The following TAMALIN variants were observed in gnomAD, a reference collection of about 807,000 sequenced individuals.
TAMALIN encodes the protein trafficking regulator and scaffold protein tamalin, also known as protein TAMALIN.
Under a neutral mutation model 38.5 loss-of-function variants are expected in TAMALIN, and 9 were observed. The observed-to-expected ratio is 0.23, with a 90% CI of 0.14 to 0.41. The LOEUF (loss-of-function observed/expected upper bound fraction) is 0.41, where lower values mean the gene tolerates loss of function less well. TAMALIN is among the 10% of genes least tolerant of loss of function. The pLI is 1.00. For synonymous variants in TAMALIN, 306 were observed against 256.5 expected (o/e 1.19, Z -1.85); for missense variants, 548 against 554.1 (o/e 0.99, Z 0.11).
chr12:52,007,131 AC>A lies in TAMALIN; in HGVS notation c.116del (p.Pro39ArgfsTer64). On this transcript the variant is annotated frameshift_variant, in exon 1 of 8. Coordinates refer to ENST00000293662, the MANE Select transcript of TAMALIN (RefSeq NM_181711.4). LOFTEE classifies it high-confidence loss of function. The surrounding 1 kb of genome is among the most constrained non-coding windows in gnomAD (Gnocchi z 6.7). Reference sequence around the variant, plus strand: ...AGTCGCGCCCGCCGCTCCGGTCCCGACCCCGGGACCCCCTGCCGCAGCCGCC... The same window carrying A: ...AGTCGCGCCCGCCGCTCCGGTCCCGACCCGGGACCCCCTGCCGCAGCCGCC... ...SEVAPAAPVP[T>X]PGPPAAAATP... 1 of 1,482,734 alleles carries A rather than the reference AC, an allele frequency of 6.7e-7. No homozygotes were observed. Among genetic ancestry groups the A allele is most frequent in the Non-Finnish European group, 8.9e-7 (1 of 1,124,968 alleles). The allele number at this position is 1,482,734 out of a possible 1,614,324, so 91.8% of individuals were successfully genotyped here. A position where few individuals can be genotyped will look rare whatever the true frequency, so the allele number is the denominator to read the frequency against.
rs1937794851 is a variant in TAMALIN, at chr12:52,015,674, G to A, written c.*475G>A. On this transcript the variant is annotated 3_prime_UTR_variant, in exon 8 of 8. Coordinates refer to ENST00000293662, the MANE Select transcript of TAMALIN (RefSeq NM_181711.4). The stretch of plus-strand genomic sequence containing the variant: ...GGGCCCCCAGGGGCATCAGGTGCTG[G>A]TCCTCCTCCCTCCTGGCCTCGACCC... 1 of 156,604 alleles carries A rather than the reference G, an allele frequency of 6.4e-6. No individual in the cohort carries two copies. Among genetic ancestry groups the A allele is most frequent in the Admixed American group, 6.2e-5 (1 of 16,112 alleles). 9.7% of individuals were successfully genotyped at this position (156,604 alleles called of 1,614,324 possible).
intron 1 of TAMALIN, chr12:52,008,503 G>A: frequency 1.0e-6 from 1 of 982,298 alleles, no homozygotes. Flanking sequence ...GTCCCAGAAA[G>A]CACAAAATAT....
In TAMALIN at chr12:52,015,231, T is replaced by C; in HGVS notation, c.*32T>C. On this transcript the variant is annotated 3_prime_UTR_variant, in exon 8 of 8. Transcript: ENST00000293662. The stretch of plus-strand genomic sequence containing the variant: ...GGGCGGGCAGGGAGGTATTTATTTA[T>C]TTATTCGCAACAGCCAGCGCTAAAA... 1.3e-6 allele frequency: 2 copies of C among 1,562,788 alleles called. No individual in the cohort carries two copies. The highest frequency in any genetic ancestry group is 2.3e-5 in the South Asian group (2 of 87,882).
chr12:52,008,431 A>G (rs1174803650), intron 1 of TAMALIN: 1 of 985,124 alleles, frequency 1.0e-6, no homozygotes, highest in Non-Finnish European at 1.2e-6. Context: ...CCACCCCTAA[A>G]GAACTCCCAG....
chr12:52,014,119 G>C lies in TAMALIN; in HGVS notation c.616-16G>C. On this transcript the variant is annotated splice_polypyrimidine_tract_variant and intron_variant, in intron 6 of 7. Transcript: ENST00000293662. Reference sequence around the variant, plus strand: ...CTGCTAGCTTGTGACAGTGGGGTGGGGACTGTCTCTTGCAGCAAACCCTGT... The same window carrying C: ...CTGCTAGCTTGTGACAGTGGGGTGGCGACTGTCTCTTGCAGCAAACCCTGT... The C allele has an allele frequency of 6.2e-7, 1 of 1,602,146 alleles. No individual in the cohort carries two copies. Among genetic ancestry groups the C allele is most frequent in the Non-Finnish European group, 8.5e-7 (1 of 1,173,670 alleles).
chr12:52,007,598 G>A lies in TAMALIN; in HGVS notation c.246+333G>A. The stretch of plus-strand genomic sequence containing the variant: ...GCCTCCCCGTGGCCAGGTGTCCTGG[G>A]TCCCCAGGAGCCCCTCGCCCGAGGG... On this transcript the variant is annotated intron_variant, in intron 1 of 7. Coordinates refer to ENST00000293662, the MANE Select transcript of TAMALIN (RefSeq NM_181711.4). The surrounding 1 kb of genome is among the most constrained non-coding windows in gnomAD (Gnocchi z 6.7). 1.0e-6 allele frequency: 1 copy of A among 985,274 alleles called. No individual in the cohort carries two copies. Among genetic ancestry groups the A allele is most frequent in the Non-Finnish European group, 1.2e-6 (1 of 829,834 alleles). 61.0% of individuals were successfully genotyped at this position (985,274 alleles called of 1,614,324 possible). A position where few individuals can be genotyped will look rare whatever the true frequency, so the allele number is the denominator to read the frequency against.
At position 52,015,835 on chromosome 12, in the gene TAMALIN, T is replaced by C. The variant is rs1347066929; in HGVS notation, c.*636T>C. 6.5e-6 allele frequency: 1 copy of C among 152,810 alleles called. No individual in the cohort carries two copies. Among genetic ancestry groups the C allele is most frequent in the Non-Finnish European group, 1.5e-5 (1 of 68,154 alleles). 9.5% of individuals were successfully genotyped at this position (152,810 alleles called of 1,614,324 possible). A position where few individuals can be genotyped will look rare whatever the true frequency, so the allele number is the denominator to read the frequency against. ...GGGGACAGCACAGACTGTTCCACCG[T>C]TGTGCATATTGTTGCTTCTGAACCA... is the stretch of plus-strand genomic sequence containing the variant. On this transcript the variant is annotated 3_prime_UTR_variant, in exon 8 of 8. Transcript: ENST00000293662.
intron 6 of TAMALIN, 35 bp from the exon 7 acceptor site, chr12:52,014,100 G>A: frequency 6.3e-7 from 1 of 1,597,194 alleles, no homozygotes; most frequent in African/African-American, 1.3e-5. Context: ...TTTCCTGCTA[G>A]CTTGTGACAG....
Position 52,014,190 on chromosome 12 carries a change from G to T in TAMALIN, c.671G>T (p.Arg224Leu). The T allele has an allele frequency of 1.2e-6, 2 of 1,600,830 alleles. No individual in the cohort carries two copies. The highest frequency in any genetic ancestry group is 1.7e-6 in the Non-Finnish European group (2 of 1,173,348). Residue 224 changes from arginine (R) to leucine (L), a missense_variant, in exon 7 of 8, where the codon CGG becomes CTG. By Grantham distance (102) the Arg-to-Leu change is moderately radical. Around this residue, in one of 3 missense-constraint regions of TAMALIN, gnomAD observed 415 missense variants for 417.0 expected, o/e 1.00. Transcript: ENST00000293662. The stretch of plus-strand genomic sequence containing the variant: ...AGGTCCCTAATGGTGCAGGAGCAGC[G>T]GCTGGTGCATGGTGAGTAGATCCCG... ...EYRSLMVQEQ[R>L]LVHGLVVKDP... is the part of the protein sequence containing the mutation.
Position 52,014,920 on chromosome 12 carries a change from C to T in TAMALIN, c.909C>T (p.Pro303=), listed in dbSNP as rs918954748. ...CGCCGGCGCTGCCGCCCCCGCCGCC[C>T]CCGGCCCGCGCCTTCGGCCCGGGCC... ...SEPPALPPPP[P]PARAFGPGPA... is the part of the protein sequence containing the mutation. Residue 303 remains proline (P), a synonymous_variant, in exon 8 of 8, where the codon CCC becomes CCT. Transcript: ENST00000293662. 6 of 1,083,148 alleles carry T rather than the reference C, an allele frequency of 5.5e-6. No homozygotes were observed. In the African/African-American group the frequency reaches 1.0e-4, roughly 19 times the overall value. 67.1% of individuals were successfully genotyped at this position (1,083,148 alleles called of 1,614,324 possible).
In TAMALIN at chr12:52,014,771, C is replaced by G; in HGVS notation, c.760C>G (p.Pro254Ala). The G allele has an allele frequency of 6.8e-7, 1 of 1,480,668 alleles. No individual in the cohort carries two copies. The highest frequency in any genetic ancestry group is 8.9e-7 in the Non-Finnish European group (1 of 1,125,066). 91.7% of individuals were successfully genotyped at this position (1,480,668 alleles called of 1,614,324 possible). ...RSCLYGAGLL[P>A]GSLPFGPLLA... ...CTGCCTCTACGGCGCGGGCCTGCTC[C>G]CGGGCTCGCTGCCCTTCGGGCCTCT... The change falls in exon 8 of 8, where the codon CCG becomes GCG. Residue 254 changes from proline to alanine, a missense_variant. Pro to Ala is a conservative substitution (Grantham distance 27). Coordinates refer to ENST00000293662, the MANE Select transcript of TAMALIN (RefSeq NM_181711.4).
chr12:52,014,851 C>T lies in TAMALIN; in HGVS notation c.840C>T (p.Ala280=). The T allele has an allele frequency of 1.6e-6, 2 of 1,259,872 alleles. No homozygotes were observed. The highest frequency in any genetic ancestry group is 1.0e-6 in the Non-Finnish European group (1 of 999,688). The allele number at this position is 1,259,872 out of a possible 1,614,324, so 78.0% of individuals were successfully genotyped here. A position where few individuals can be genotyped will look rare whatever the true frequency, so the allele number is the denominator to read the frequency against. ...RGGARRARGD[A]DDAVYHTCFF... is the part of the protein sequence containing the mutation. ...GCGCCCGACGGGCCAGGGGCGACGCCGACGACGCCGTCTACCACACGTGCT... is the reference window on the plus strand; with the variant it reads ...GCGCCCGACGGGCCAGGGGCGACGCTGACGACGCCGTCTACCACACGTGCT... Residue 280 remains alanine (A), a synonymous_variant, in exon 8 of 8, where the codon GCC becomes GCT. Transcript: ENST00000293662.
intron 4 of TAMALIN, chr12:52,013,416 TGTG>T: frequency 2.3e-6 from 1 of 437,416 alleles, no homozygotes. Context: ...GTGTTGGGTG[TGTG>T]AGGTCCCCAC....
chr12:52,008,247 G>A, intron 1 of TAMALIN: 4 of 985,346 alleles, frequency 4.1e-6, no homozygotes, highest in Non-Finnish European at 4.8e-6. Flanking sequence ...GTTAGCAAAG[G>A]CACAGAACAG....
chr12:52,008,594 C>T (rs1016064659), intron 1 of TAMALIN: 167 of 985,304 alleles, frequency 1.7e-4, no homozygotes, highest in African/African-American at 1.4e-4. Flanking sequence ...GTCCTTGAAA[C>T]GGCCTGTACC....
chr12:52,014,981 C>T lies in TAMALIN; in HGVS notation c.970C>T (p.Pro324Ser). ...ETPAVGPGPG[P>S]RAALSRSASV... is the part of the protein sequence containing the mutation. The stretch of plus-strand genomic sequence containing the variant: ...CCCTGCCGTGGGGCCGGGCCCTGGG[C>T]CGCGGGCCGCGCTGAGCCGCAGCGC... The change falls in exon 8 of 8, where the codon CCG (proline) becomes TCG (serine). Residue 324 changes from proline (P) to serine (S), a missense_variant. Physicochemically the swap from Pro to Ser is moderately conservative, Grantham distance 74. Around this residue, in one of 3 missense-constraint regions of TAMALIN, gnomAD observed 415 missense variants for 417.0 expected, o/e 1.00. Transcript: ENST00000293662. 1 of 973,264 alleles carries T rather than the reference C, an allele frequency of 1.0e-6. No homozygotes were observed. The highest frequency in any genetic ancestry group is 1.2e-6 in the Non-Finnish European group (1 of 819,530). The allele number at this position is 973,264 out of a possible 1,614,324, so 60.3% of individuals were successfully genotyped here.
rs532996284 is a variant in TAMALIN, at chr12:52,013,356, C to T, written c.455-331C>T. On this transcript the variant is annotated intron_variant, in intron 4 of 7. Transcript: ENST00000293662. ...CCTCCCAAAGTGCTGGGATTACAGG[C>T]GTGAGCCACCGCGCCCGGCCGGACA... 770 of 264,410 alleles carry T rather than the reference C, an allele frequency of 2.9e-3. 29 individuals are homozygous for T. In the South Asian group the frequency reaches 0.04, roughly 14 times the overall value. 16.4% of individuals were successfully genotyped at this position (264,410 alleles called of 1,614,324 possible). A position where few individuals can be genotyped will look rare whatever the true frequency, so the allele number is the denominator to read the frequency against.
At chr12:52,009,340 T>C in intron 2 of TAMALIN, 101 bp downstream of exon 2, 1 of 1,154,078 alleles carries the variant, frequency 8.7e-7, no homozygotes, top group Non-Finnish European at 1.3e-6. Flanking sequence ...GTAGTCATTC[T>C]CCTAGCCTTT....
rs11614892 is a variant in TAMALIN, at chr12:52,009,252, C to T, written c.296+13C>T. 37,675 of 1,613,310 alleles carry T rather than the reference C, an allele frequency of 0.023. 621 individuals carry two copies. The highest frequency in any genetic ancestry group is 0.026 in the South Asian group (2,358 of 91,068). On this transcript the variant is annotated intron_variant, in intron 2 of 7. Transcript: ENST00000293662. ...CTGAACAGCAGCGGTGAGTCACCAA[C>T]ACCCAGCCCCTGCCATGGTCCAAAG...
Sources: allele counts gnomAD v4.1 joint callset, GRCh38; gene constraint gnomAD v4.1.1; regional missense constraint gnomAD v4.1.1; non-coding constraint Gnocchi (gnomAD v3.1); transcripts MANE v1.5; gene names NCBI Gene and HGNC (gene_info 2026-07-23, HGNC 2026-07-21).